The following MX2 variants were observed in gnomAD, a reference collection of about 807,000 sequenced individuals.
MX2 encodes MX dynamin like GTPase 2.
Under a neutral mutation model 74.0 loss-of-function variants are expected in MX2, and 51 were observed. The ratio of observed to expected loss-of-function variants is 0.69; its 90% CI spans 0.55 to 0.87. The LOEUF is 0.87. MX2 is among the 40% of genes least tolerant of loss of function. The probability of loss-of-function intolerance (pLI) is 0.00; values close to 1 mark genes in which losing one functional copy is unlikely to be tolerated. For missense variants in MX2, 832 were observed against 908.7 expected, an observed-to-expected ratio of 0.92 and a Z score of 1.09; for synonymous variants, 369 against 339.3, an observed-to-expected ratio of 1.09 and a Z score of -0.96.
chr21:41,405,182 CT>C (rs1436679107), intron 12 of MX2, among the ~76,000 whole-genome samples: 4 of 151,728 alleles, frequency 2.6e-5, no homozygotes, highest in Non-Finnish European at 4.4e-5. Flanking sequence ...TCACTTGAAC[CT>C]GGGAGGCGGA....
At chr21:41,385,116 C>T (rs964229825) in intron 5 of MX2, among the ~76,000 whole-genome samples, 3 of 152,218 alleles carry the variant, frequency 2.0e-5, no homozygotes, top group African/African-American at 7.2e-5. Flanking sequence ...AGTAGCACTT[C>T]TAATTTCTTT....
chr21:41,371,292 A>C (rs1257136223), intron 1 of MX2, among the ~76,000 whole-genome samples: 7 of 152,130 alleles, frequency 4.6e-5, no homozygotes. Context: ...GTTTGAGGTC[A>C]TTTGAGCTGA....
At position 41,369,263 on chromosome 21, in the gene MX2, G is replaced by C. The variant is rs565739482; in HGVS notation, c.-72+7208G>C. On this transcript the variant is annotated intron_variant, in intron 1 of 13. Coordinates refer to ENST00000330714, the MANE Select transcript of MX2 (RefSeq NM_002463.2). ...GAACAGGAGCTGAAGGCTGAGCGGC[G>C]GCGGGGCCATTCACACAACCATGGT... 3.4e-4 allele frequency among the ~76,000 whole-genome samples: 52 copies of C among 152,296 alleles called. No homozygotes were observed. The South Asian group carries it at 0.011, about 31-fold the overall frequency.
chr21:41,378,024 A>G, intron 3 of MX2, 43 bp downstream of exon 3: 4 of 1,584,308 alleles, frequency 2.5e-6, no homozygotes, highest in Non-Finnish European at 3.4e-6. Context: ...AAGCAGCGCC[A>G]CCTGTAAGCC....
rs556143023 is a variant in MX2 at position 41,382,200 on chromosome 21, G to A, written c.578-210G>A. ...CAGAATCTTTTCTTCTCGTCTTTTG[G>A]AAAGTGTAGGTCTGTGCACCTACAT... On this transcript the variant is annotated intron_variant, in intron 4 of 13. Transcript: ENST00000330714. Among the ~76,000 whole-genome samples, 7 of 152,298 alleles carry A rather than the reference G, an allele frequency of 4.6e-5. No individual in the cohort carries two copies. In the South Asian group the frequency reaches 1.4e-3, roughly 32 times the overall value.
rs1193987481 is a variant in MX2, at chr21:41,395,733, G to A, written c.1018G>A (p.Ala340Thr). 4 of 1,614,168 alleles carry A rather than the reference G, an allele frequency of 2.5e-6. No homozygotes were observed. Among genetic ancestry groups the A allele is most frequent in the South Asian group, 1.1e-5 (1 of 91,076 alleles). Residue 340 changes from alanine to threonine, a missense_variant, in exon 7 of 14, where the codon GCA becomes ACA. By Grantham distance (58) the Ala-to-Thr change is moderately conservative. Transcript: ENST00000330714. The stretch of plus-strand genomic sequence containing the variant: ...GGAGATCACAAACAGGCTGAGCTTG[G>A]CAGAGGCAACCAAGAAAGAAATTAC... Reference protein sequence around the residue: ...QQEITNRLSLAEATKKEITFF... With the variant: ...QQEITNRLSLTEATKKEITFF...
chr21:41,396,243 G>A (rs1568946013), intron 7 of MX2, among the ~76,000 whole-genome samples: 1 of 152,176 alleles, frequency 6.6e-6, no homozygotes, highest in Admixed American at 6.5e-5. Context: ...AACTCTCCGT[G>A]TTTTTAGAGC....
Position 41,363,868 on chromosome 21 carries a change from G to A in MX2, c.-72+1813G>A, listed in dbSNP as rs74449149. Reference sequence around the variant, plus strand: ...TCAGTCAAACTTCCAAACTCAGCAGGGAATGTGTGTGCTTGTCCTCCAATC... The same window carrying A: ...TCAGTCAAACTTCCAAACTCAGCAGAGAATGTGTGTGCTTGTCCTCCAATC... On this transcript the variant is annotated intron_variant, in intron 1 of 13. Transcript: ENST00000330714. This position sits in a 1 kb window ranked among gnomAD's most constrained non-coding sequence, Gnocchi z 4.2. 2,278 of 155,152 alleles carry A rather than the reference G, an allele frequency of 0.015. 51 individuals carry two copies. The highest frequency in any genetic ancestry group is 0.051 in the African/African-American group (2,108 of 41,632). 9.6% of individuals were successfully genotyped at this position (155,152 alleles called of 1,614,324 possible).
intron 5 of MX2, among the ~76,000 whole-genome samples, chr21:41,385,783 TG>T (rs1423478404): frequency 6.6e-6 from 1 of 152,146 alleles, no homozygotes; most frequent in African/African-American, 2.4e-5. Flanking sequence ...CTATCTTATA[TG>T]GGCCTGCTCC....
intron 1 of MX2, among the ~76,000 whole-genome samples, chr21:41,372,279 C>T (rs939424604): frequency 6.6e-6 from 1 of 152,166 alleles, no homozygotes; most frequent in African/African-American, 2.4e-5. Context: ...CTTAATTTAC[C>T]TTTTCCATGA....
chr21:41,394,856 G>A (rs748466691), intron 6 of MX2, among the ~76,000 whole-genome samples: 3 of 151,916 alleles, frequency 2.0e-5, no homozygotes, highest in Non-Finnish European at 4.4e-5. Context: ...CAGGAGAATC[G>A]CTTGAACCGG....
In MX2 at chr21:41,363,264, G is replaced by C. The variant is rs1173117002; in HGVS notation, c.-72+1209G>C. On this transcript the variant is annotated intron_variant, in intron 1 of 13. Coordinates refer to ENST00000330714, the MANE Select transcript of MX2 (RefSeq NM_002463.2). This position sits in a 1 kb window ranked among gnomAD's most constrained non-coding sequence, Gnocchi z 4.2. ...ATTTTTTTTTCTTTTTCTTTTTTGAGACAGGGTCTTCCTGCTCTGTTTCCC... is the reference window on the plus strand; with the variant it reads ...ATTTTTTTTTCTTTTTCTTTTTTGACACAGGGTCTTCCTGCTCTGTTTCCC... The C allele has an allele frequency of 6.7e-6, 1 of 149,990 alleles. No individual in the cohort carries two copies. Among genetic ancestry groups the C allele is most frequent in the Non-Finnish European group, 1.5e-5 (1 of 67,444 alleles). The allele number at this position is 149,990 out of a possible 1,614,324, so 9.3% of individuals were successfully genotyped here.
chr21:41,364,171 CT>C (rs1451192338), intron 1 of MX2: 6 of 152,788 alleles, frequency 3.9e-5, no homozygotes, highest in African/African-American at 1.4e-4. Flanking sequence ...CACCTCAGTG[CT>C]GCCTAAGCTG....
At chr21:41,362,380 A>G (rs1376501021) in intron 1 of MX2, among the ~76,000 whole-genome samples, 1 of 151,934 alleles carries the variant, frequency 6.6e-6, no homozygotes, top group Non-Finnish European at 1.5e-5. Context: ...TCAGCGTCCT[A>G]CAAAGTCTGG....
chr21:41,393,582 T>C lies in MX2; in HGVS notation c.872-2005T>C, dbSNP rs544181208. On this transcript the variant is annotated intron_variant, in intron 6 of 13. Coordinates refer to ENST00000330714, the MANE Select transcript of MX2 (RefSeq NM_002463.2). Reference sequence around the variant, plus strand: ...CCAGCTGGAAGTCACATTCTTAGACTCCTTGTCTCCATGCCTCTTCAATTC... The same window carrying C: ...CCAGCTGGAAGTCACATTCTTAGACCCCTTGTCTCCATGCCTCTTCAATTC... Among the ~76,000 whole-genome samples, 19 of 152,216 alleles carry C rather than the reference T, an allele frequency of 1.2e-4. No homozygotes were observed. The East Asian group carries it at 3.7e-3, about 29-fold the overall frequency.
intron 6 of MX2, among the ~76,000 whole-genome samples, chr21:41,391,625 AC>A (rs1411531322): frequency 6.6e-6 from 1 of 151,700 alleles, no homozygotes; most frequent in African/African-American, 2.4e-5. Flanking sequence ...CAGGTGATCC[AC>A]CCGCCTCAGC....
chr21:41,382,343 C>A, intron 4 of MX2, 67 bp from the exon 5 acceptor site: 1 of 1,545,080 alleles, frequency 6.5e-7, no homozygotes, highest in Non-Finnish European at 8.8e-7. Flanking sequence ...TCATTACCTT[C>A]AGGAACTGCT....
intron 5 of MX2, chr21:41,390,345 T>C (rs4818237): frequency 0.19 from 105,999 of 544,808 alleles, 16,665 homozygotes; most frequent in African/African-American, 0.56. Context: ...AAAGAAGACA[T>C]GCCAGCCGTG....
intron 13 of MX2, among the ~76,000 whole-genome samples, chr21:41,407,649 C>T (rs2089904613): frequency 6.6e-6 from 1 of 152,160 alleles, no homozygotes. Context: ...GGGGAGGATT[C>T]GAAACGGCCC....
Sources: gnomAD v4.1 joint callset for allele counts (sites outside exome capture counted in the v4.1 genomes callset) on GRCh38, gnomAD v4.1.1 for gene constraint, Gnocchi (gnomAD v3.1) non-coding constraint, MANE v1.5 for transcripts, NCBI Gene and HGNC (gene_info 2026-07-23, HGNC 2026-07-21) for gene names.